The following OSBPL5 variants were observed in gnomAD, a reference collection of about 807,000 sequenced individuals.
OSBPL5 encodes the protein oxysterol binding protein like 5.
OSBPL5 carries 71 observed loss-of-function variants against 111.2 expected under a neutral mutation model. That is an observed-to-expected ratio of 0.64 (90% CI 0.53 to 0.78). OSBPL5 has a LOEUF of 0.78. OSBPL5 is among the 30% of genes least tolerant of loss of function. OSBPL5 has a pLI of 0.00. For missense variants in OSBPL5, 1,210 were observed against 1,189.3 expected (o/e 1.02, Z -0.26); for synonymous variants, 549 against 513.9 (o/e 1.07, Z -0.93).
Position 3,106,509 on chromosome 11 carries a change from C to T in OSBPL5, c.1059+754G>A, listed in dbSNP as rs982060263. On this transcript the variant is annotated intron_variant, in intron 9 of 21. Coordinates refer to ENST00000263650, the MANE Select transcript of OSBPL5 (RefSeq NM_020896.4). This position sits in a 1 kb window ranked among gnomAD's most constrained non-coding sequence, Gnocchi z 8.4. The stretch of plus-strand genomic sequence containing the variant: ...TCCTTCCGGACTCCCCTTCCTGAGG[C>T]GCCCCACGGTGCCCAGGGCCACGTG... 2.6e-5 allele frequency among the ~76,000 whole-genome samples: 4 copies of T among 152,132 alleles called. No individual in the cohort carries two copies. Among genetic ancestry groups the T allele is most frequent in the Non-Finnish European group, 4.4e-5 (3 of 68,018 alleles).
chr11:3,115,333 C>T (rs1251617179), intron 7 of OSBPL5, among the ~76,000 whole-genome samples: 1 of 152,134 alleles, frequency 6.6e-6, no homozygotes, highest in Non-Finnish European at 1.5e-5. Flanking sequence ...GTCCTTATAT[C>T]TTCTTGTATG....
chr11:3,119,729 C>T (rs1293346841), intron 6 of OSBPL5, 98 bp from the exon 7 acceptor site: 2 of 1,192,726 alleles, frequency 1.7e-6, no homozygotes, highest in East Asian at 2.9e-5. Context: ...CCTGGGACCA[C>T]CTGGACACCC....
In OSBPL5 at chr11:3,122,065, G is replaced by A. The variant is rs1457825257; in HGVS notation, c.334C>T (p.Arg112Cys). ...GCGCTGAGCAGCTGCCGTGTGGCGC[G>A]CTTCTTCTCCTGCCGGTAGTTCTCC... ...QKENYRQEKKRATRQLLSALT... is the reference protein window; with the variant it reads ...QKENYRQEKKCATRQLLSALT... The change falls in exon 5 of 22, where the codon CGC becomes TGC. Residue 112 changes from arginine (R) to cysteine (C), a missense_variant. Transcript: ENST00000263650. 1.0e-5 allele frequency: 16 copies of A among 1,579,574 alleles called. No homozygotes were observed. Among genetic ancestry groups the A allele is most frequent in the Admixed American group, 1.8e-5 (1 of 57,026 alleles).
chr11:3,163,531 G>T (rs1281690665), intron 1 of OSBPL5, among the ~76,000 whole-genome samples: 1 of 152,048 alleles, frequency 6.6e-6, no homozygotes, highest in Admixed American at 6.6e-5. Context: ...GGGTTGGGTG[G>T]GGGGGGCGGT....
At chr11:3,131,995 T>A (rs1385834387) in intron 1 of OSBPL5, among the ~76,000 whole-genome samples, 1 of 22,118 alleles carries the variant, frequency 4.5e-5, no homozygotes, top group African/African-American at 2.0e-4. Context: ...CCACCCACCC[T>A]CCCTCCCTTT....
intron 1 of OSBPL5, among the ~76,000 whole-genome samples, chr11:3,135,703 C>A (rs1845931224): frequency 6.6e-6 from 1 of 152,238 alleles, no homozygotes; most frequent in South Asian, 2.1e-4. Flanking sequence ...TAAGACACCG[C>A]CCCGTGGTGG....
At position 3,105,536 on chromosome 11, in the gene OSBPL5, C is replaced by A. The variant is rs1172899801; in HGVS notation, c.1060-1159G>T. Among the ~76,000 whole-genome samples the A allele has an allele frequency of 6.6e-6, 1 of 152,170 alleles. No homozygotes were observed. The highest frequency in any genetic ancestry group is 1.5e-5 in the Non-Finnish European group (1 of 68,018). Reference sequence around the variant, plus strand: ...TGTGCTCCCGTCCCGTCCTCCTTAACCCTCTCCACCAGGCTTCTGCCGTCT... The same window carrying A: ...TGTGCTCCCGTCCCGTCCTCCTTAAACCTCTCCACCAGGCTTCTGCCGTCT... On this transcript the variant is annotated intron_variant, in intron 9 of 21. Coordinates refer to ENST00000263650, the MANE Select transcript of OSBPL5 (RefSeq NM_020896.4). This position sits in a 1 kb window ranked among gnomAD's most constrained non-coding sequence, Gnocchi z 5.2.
In OSBPL5 at chr11:3,162,616, T is replaced by A. The variant is rs1360364906; in HGVS notation, c.-22+2600A>T. Reference sequence around the variant, plus strand: ...CAACCCTACCACTCTCCGGAGCAGCTTCACTATCTGCCCATACATCTCCAC... The same window carrying A: ...CAACCCTACCACTCTCCGGAGCAGCATCACTATCTGCCCATACATCTCCAC... On this transcript the variant is annotated intron_variant, in intron 1 of 21. Transcript: ENST00000263650. This position sits in a 1 kb window ranked among gnomAD's most constrained non-coding sequence, Gnocchi z 8.1. 1.3e-5 allele frequency among the ~76,000 whole-genome samples: 2 copies of A among 151,928 alleles called. No individual in the cohort carries two copies. The highest frequency in any genetic ancestry group is 2.9e-5 in the Non-Finnish European group (2 of 67,966).
chr11:3,115,938 C>T (rs1365666975), intron 7 of OSBPL5, among the ~76,000 whole-genome samples: 1 of 148,562 alleles, frequency 6.7e-6, no homozygotes, highest in African/African-American at 2.5e-5. Context: ...TTTACAATGA[C>T]TTGTAATCCT....
In OSBPL5 at chr11:3,126,624, G is replaced by T; in HGVS notation, c.137-69C>A. On this transcript the variant is annotated intron_variant, in intron 2 of 21. Coordinates refer to ENST00000263650, the MANE Select transcript of OSBPL5 (RefSeq NM_020896.4). The surrounding 1 kb of genome is among the most constrained non-coding windows in gnomAD (Gnocchi z 6.5). Reference sequence around the variant, plus strand: ...GGCCAGGCTTCTCAGGCCGCTGCCTGGTGTGAGGCAGGCGAAGCGTGGGTG... The same window carrying T: ...GGCCAGGCTTCTCAGGCCGCTGCCTTGTGTGAGGCAGGCGAAGCGTGGGTG... The T allele has an allele frequency of 7.2e-7, 1 of 1,395,654 alleles. No homozygotes were observed. Among genetic ancestry groups the T allele is most frequent in the Non-Finnish European group, 9.7e-7 (1 of 1,026,358 alleles). The allele number at this position is 1,395,654 out of a possible 1,614,324, so 86.5% of individuals were successfully genotyped here.
In OSBPL5 at chr11:3,107,987, G is replaced by A. The variant is rs1033791504; in HGVS notation, c.692-42C>T. 6.4e-7 allele frequency: 1 copy of A among 1,571,240 alleles called. No individual in the cohort carries two copies. Among genetic ancestry groups the A allele is most frequent in the Non-Finnish European group, 8.6e-7 (1 of 1,165,924 alleles). ...ATGAGCATGCCCCACCCCCACCTCT[G>A]TATATCCCGCATCCCCCAAGGGGCC... is the stretch of plus-strand genomic sequence containing the variant. On this transcript the variant is annotated intron_variant, in intron 7 of 21. Transcript: ENST00000263650. This position sits in a 1 kb window ranked among gnomAD's most constrained non-coding sequence, Gnocchi z 6.1.
chr11:3,103,116 G>A, intron 11 of OSBPL5, 123 bp downstream of exon 11: 3 of 794,358 alleles, frequency 3.8e-6, no homozygotes, highest in Non-Finnish European at 5.9e-6. Flanking sequence ...GGGTGACCAG[G>A]ATCCTTCTAA....
rs1857885631 is a variant in OSBPL5, at chr11:3,110,523, G to A, written c.692-2578C>T. On this transcript the variant is annotated intron_variant, in intron 7 of 21. Transcript: ENST00000263650. This position sits in a 1 kb window ranked among gnomAD's most constrained non-coding sequence, Gnocchi z 5.3. ...CTCAGTTTCCTGACCTGTCTAATGT[G>A]GATGATAACAGTAGAACCTGTTGTT... Among the ~76,000 whole-genome samples the A allele has an allele frequency of 6.6e-6, 1 of 152,164 alleles. No homozygotes were observed. Among genetic ancestry groups the A allele is most frequent in the Admixed American group, 6.5e-5 (1 of 15,280 alleles).
Position 3,122,083 on chromosome 11 carries a change from A to G in OSBPL5, c.316T>C (p.Tyr106His). ...GTGGCGCGCTTCTTCTCCTGCCGGTAGTTCTCCTTCTGCGCCTGGGCCCGG... is the reference window on the plus strand; with the variant it reads ...GTGGCGCGCTTCTTCTCCTGCCGGTGGTTCTCCTTCTGCGCCTGGGCCCGG... The part of the protein sequence containing the change: ...KETLKAQKEN[Y>H]RQEKKRATRQ... The change falls in exon 5 of 22, where the codon TAC becomes CAC. Residue 106 changes from tyrosine to histidine, a missense_variant. By Grantham distance (83) the Tyr-to-His change is moderately conservative. Coordinates refer to ENST00000263650, the MANE Select transcript of OSBPL5 (RefSeq NM_020896.4). The G allele has an allele frequency of 6.3e-7, 1 of 1,576,000 alleles. No individual in the cohort carries two copies. Among genetic ancestry groups the G allele is most frequent in the Non-Finnish European group, 8.6e-7 (1 of 1,166,050 alleles).
intron 1 of OSBPL5, among the ~76,000 whole-genome samples, chr11:3,163,219 A>C (rs985057903): frequency 6.6e-6 from 1 of 152,070 alleles, no homozygotes; most frequent in Non-Finnish European, 1.5e-5. Context: ...TTGAACAATA[A>C]ATGGGAATGG....
At chr11:3,096,385 G>A (rs1354802645) in intron 14 of OSBPL5, among the ~76,000 whole-genome samples, 2 of 152,152 alleles carry the variant, frequency 1.3e-5, no homozygotes, top group African/African-American at 2.4e-5. Context: ...TTGGGAGGCC[G>A]AGGTAGGCTG....
chr11:3,096,313 G>T (rs1564824017), intron 14 of OSBPL5, among the ~76,000 whole-genome samples: 2 of 152,156 alleles, frequency 1.3e-5, no homozygotes, highest in African/African-American at 4.8e-5. Flanking sequence ...TAGTATTGTG[G>T]CTATGGTTAA....
intron 1 of OSBPL5, 155 bp from the exon 2 acceptor site, chr11:3,129,324 T>A: frequency 3.0e-6 from 2 of 673,394 alleles, no homozygotes; most frequent in Non-Finnish European, 4.4e-6. Flanking sequence ...TGGTGGTGGG[T>A]GGTCAGCCAG....
At chr11:3,124,226 C>A (rs1478107284) in intron 3 of OSBPL5, among the ~76,000 whole-genome samples, 1 of 152,188 alleles carries the variant, frequency 6.6e-6, no homozygotes, top group Non-Finnish European at 1.5e-5. Context: ...TGAACCCAGG[C>A]AGTGTTGCTC....
Sources: allele counts gnomAD v4.1 joint callset (sites outside exome capture counted in the v4.1 genomes callset), GRCh38; gene constraint gnomAD v4.1.1; non-coding constraint Gnocchi (gnomAD v3.1); transcripts MANE v1.5; gene names NCBI Gene and HGNC (gene_info 2026-07-23, HGNC 2026-07-21).